The following FBXW7 variants were observed in gnomAD, a reference collection of about 807,000 sequenced individuals.
The protein encoded by FBXW7 is F-box/WD repeat-containing protein 7.
A neutral mutation model predicts 86.3 loss-of-function variants in FBXW7; 11 were observed. That is an observed-to-expected ratio of 0.13 (90% CI 0.08 to 0.21). FBXW7 has a LOEUF of 0.21. Among genes scored for constraint, FBXW7 ranks in the 10% least tolerant of loss-of-function variants. The probability of loss-of-function intolerance (pLI) is 1.00; values close to 1 mark genes in which losing one functional copy is unlikely to be tolerated. For missense variants in FBXW7, 488 were observed against 847.4 expected (o/e 0.58, Z 5.27); for synonymous variants, 313 against 297.9 (o/e 1.05, Z -0.52).
chr4:152,387,797 C>T (rs1266684449), intron 4 of FBXW7, among the ~76,000 whole-genome samples: 1 of 150,100 alleles, frequency 6.7e-6, no homozygotes, highest in Non-Finnish European at 1.5e-5. Flanking sequence ...CAACCTCCGC[C>T]TCCCAGGTTC....
In FBXW7 at chr4:152,494,675, C is replaced by G. The variant is rs191809689; in HGVS notation, c.-120+40266G>C. On this transcript the variant is annotated intron_variant, in intron 2 of 13. Coordinates refer to ENST00000281708, the MANE Select transcript of FBXW7 (RefSeq NM_001349798.2). ...ATATTGGAGAGTCTATGTAAGGATGCTAAAATGTTTGAGAATTATTGTAGG... is the reference window on the plus strand; with the variant it reads ...ATATTGGAGAGTCTATGTAAGGATGGTAAAATGTTTGAGAATTATTGTAGG... Among the ~76,000 whole-genome samples the G allele has an allele frequency of 1.4e-3, 209 of 152,078 alleles. 3 individuals are homozygous for G. The highest frequency in any genetic ancestry group is 2.5e-3 in the Non-Finnish European group (169 of 67,976).
Position 152,328,291 on chromosome 4 carries a change from C to T in FBXW7, c.1335G>A (p.Val445=), listed in dbSNP as rs199532943. The change falls in exon 11 of 14, where the codon GTG becomes GTA. Residue 445 remains valine (V), a synonymous_variant. Coordinates refer to ENST00000281708, the MANE Select transcript of FBXW7 (RefSeq NM_001349798.2). ...TACATTCTCCAGTCTCTGCATTCCA[C>T]ACTTTGAGTGTCCGATCTGTAGATC... ...ISGSTDRTLK[V]WNAETGECIH... 8.1e-6 allele frequency: 13 copies of T among 1,600,898 alleles called. No individual in the cohort carries two copies. In the East Asian group the frequency reaches 1.8e-4, roughly 23 times the overall value.
At chr4:152,477,633 T>C (rs1014416265) in intron 2 of FBXW7, among the ~76,000 whole-genome samples, 1 of 152,172 alleles carries the variant, frequency 6.6e-6, no homozygotes, top group Admixed American at 6.5e-5. Flanking sequence ...CCAGTTTTGC[T>C]TCTTAACATT....
chr4:152,535,936 G>T lies in FBXW7; in HGVS notation c.-1022C>A. ...CCCGCTGGCCCAGGTGAGAGCGAAGGTCTCGGCGGCGGCCAGTGCAGGGGG... is the reference window on the plus strand; with the variant it reads ...CCCGCTGGCCCAGGTGAGAGCGAAGTTCTCGGCGGCGGCCAGTGCAGGGGG... On this transcript the variant is annotated 5_prime_UTR_variant, in exon 1 of 14. Transcript: ENST00000281708. 4 of 317,170 alleles carry T rather than the reference G, an allele frequency of 1.3e-5. No individual in the cohort carries two copies. The highest frequency in any genetic ancestry group is 2.1e-5 in the African/African-American group (1 of 46,516). 19.6% of individuals were successfully genotyped at this position (317,170 alleles called of 1,614,324 possible). A position where few individuals can be genotyped will look rare whatever the true frequency, so the allele number is the denominator to read the frequency against.
At chr4:152,337,540 T>A (rs1321050680) in intron 7 of FBXW7, 1 of 277,510 alleles carries the variant, frequency 3.6e-6, no homozygotes, top group African/African-American at 2.2e-5. Context: ...ATCAAATTAG[T>A]GAAACTCAAT....
At chr4:152,442,799 G>C (rs149249155) in intron 2 of FBXW7, among the ~76,000 whole-genome samples, 21 of 152,284 alleles carry the variant, frequency 1.4e-4, no homozygotes, top group Non-Finnish European at 2.4e-4. Context: ...GACAGTATCA[G>C]GGATAAGAAC....
chr4:152,366,661 T>C lies in FBXW7; in HGVS notation c.502-16537A>G, dbSNP rs527264363. Among the ~76,000 whole-genome samples, 4 of 152,186 alleles carry C rather than the reference T, an allele frequency of 2.6e-5. No homozygotes were observed. The East Asian group carries it at 5.8e-4, about 22-fold the overall frequency. On this transcript the variant is annotated intron_variant, in intron 4 of 13. Transcript: ENST00000281708. ...TGCTGGAGACGATGTGGAGAAGAAA[T>C]AGGAACTCTTTTACACTGTTGGTGG...
chr4:152,337,662 C>T (rs1428649486), intron 7 of FBXW7, 140 bp downstream of exon 7: 9 of 778,164 alleles, frequency 1.2e-5, no homozygotes, highest in African/African-American at 1.8e-5. Flanking sequence ...TATCAATTTA[C>T]AGCCCTCTTT....
chr4:152,388,029 G>A (rs4447839), intron 4 of FBXW7, among the ~76,000 whole-genome samples: 4 of 151,786 alleles, frequency 2.6e-5, no homozygotes, highest in Non-Finnish European at 1.5e-5. Flanking sequence ...TAAAGTTTTA[G>A]TATTTTTTTT....
At chr4:152,402,191 C>T (rs1736999580) in intron 4 of FBXW7, among the ~76,000 whole-genome samples, 1 of 152,056 alleles carries the variant, frequency 6.6e-6, no homozygotes, top group African/African-American at 2.4e-5. Flanking sequence ...AAGAAGTATA[C>T]ACACTGACTC....
intron 4 of FBXW7, among the ~76,000 whole-genome samples, chr4:152,406,771 A>G (rs907135203): frequency 2.0e-5 from 3 of 152,198 alleles, no homozygotes; most frequent in Admixed American, 1.3e-4. Context: ...GGCCTAGCTT[A>G]TTACAGTACT....
At chr4:152,350,711 G>A (rs932501490) in intron 4 of FBXW7, among the ~76,000 whole-genome samples, 1 of 151,752 alleles carries the variant, frequency 6.6e-6, no homozygotes, top group Admixed American at 6.6e-5. Flanking sequence ...TCAATAATAA[G>A]AGAAATCTGG....
At chr4:152,472,938 T>C (rs1744088646) in intron 2 of FBXW7, among the ~76,000 whole-genome samples, 1 of 152,222 alleles carries the variant, frequency 6.6e-6, no homozygotes, top group Non-Finnish European at 1.5e-5. Flanking sequence ...TCATTTTATA[T>C]AAATATGTTT....
intron 2 of FBXW7, among the ~76,000 whole-genome samples, chr4:152,456,298 G>C (rs1365091438): frequency 6.8e-6 from 1 of 146,842 alleles, no homozygotes; most frequent in East Asian, 2.1e-4. Flanking sequence ...AGGATGGCTT[G>C]AGGCCAGAAG....
intron 10 of FBXW7, chr4:152,328,623 CAT>C (rs1231545591): frequency 1.3e-5 from 4 of 318,350 alleles, no homozygotes; most frequent in African/African-American, 4.3e-5. Flanking sequence ...AGAAAGCAAA[CAT>C]ATGATATAAA....
chr4:152,493,220 A>G (rs1480544606), intron 2 of FBXW7, among the ~76,000 whole-genome samples: 2 of 151,850 alleles, frequency 1.3e-5, no homozygotes, highest in East Asian at 3.9e-4. Flanking sequence ...GCTGGAGTGC[A>G]GTGGCGCAAT....
chr4:152,369,138 G>A (rs998650256), intron 4 of FBXW7, among the ~76,000 whole-genome samples: 3 of 151,994 alleles, frequency 2.0e-5, no homozygotes, highest in Non-Finnish European at 4.4e-5. Flanking sequence ...TACATCAGGA[G>A]AATTAATTAT....
intron 4 of FBXW7, among the ~76,000 whole-genome samples, chr4:152,386,881 A>G (rs996759763): frequency 4.6e-5 from 7 of 152,210 alleles, no homozygotes; most frequent in Non-Finnish European, 8.8e-5. Flanking sequence ...CCAATACGGT[A>G]TCTGTAAAAT....
At chr4:152,492,843 T>C (rs1332280311) in intron 2 of FBXW7, among the ~76,000 whole-genome samples, 1 of 152,086 alleles carries the variant, frequency 6.6e-6, no homozygotes, top group Non-Finnish European at 1.5e-5. Flanking sequence ...TGGGGATTAT[T>C]ATGAGTTCAG....
Sources: allele counts gnomAD v4.1 joint callset (sites outside exome capture counted in the v4.1 genomes callset), GRCh38; gene constraint gnomAD v4.1.1; transcripts MANE v1.5; gene names NCBI Gene and HGNC (gene_info 2026-07-23, HGNC 2026-07-21).